POLR1D: variants seen among roughly 807,000 people sequenced by gnomAD.
POLR1D encodes DNA-directed RNA polymerases I and III subunit RPAC2.
POLR1D carries 8 observed loss-of-function variants against 10.8 expected under a neutral mutation model. The observed-to-expected ratio is 0.74, with a 90% confidence interval of 0.43 to 1.33. The LOEUF (loss-of-function observed/expected upper bound fraction) is 1.33, where lower values mean the gene tolerates loss of function less well. Among genes scored for constraint, POLR1D ranks in the 40% most tolerant of loss-of-function variants. The pLI, the probability that POLR1D is intolerant of heterozygous loss-of-function variation, is 0.01. For missense variants in POLR1D, 152 were observed against 161.7 expected (o/e 0.94, Z 0.32); for synonymous variants, 54 against 57.2 (o/e 0.94, Z 0.25).
chr13:27,635,964 A>C (rs980352756), intron 1 of POLR1D, among the ~76,000 whole-genome samples: 2 of 152,054 alleles, frequency 1.3e-5, no homozygotes, highest in African/African-American at 2.4e-5. Context: ...AGAACTGCAT[A>C]ATTTGTCTTC....
rs1475038038 is a variant in POLR1D at position 27,663,292 on chromosome 13, C to G, written c.102-2394C>G. Among the ~76,000 whole-genome samples, 1 of 152,150 alleles carries G rather than the reference C, an allele frequency of 6.6e-6. No individual in the cohort carries two copies. Among genetic ancestry groups the G allele is most frequent in the African/African-American group, 2.4e-5 (1 of 41,426 alleles). On this transcript the variant is annotated intron_variant, in intron 2 of 2. Transcript: ENST00000399697. This position sits in a 1 kb window ranked among gnomAD's most constrained non-coding sequence, Gnocchi z 4.1. ...GTGTACTGGCATGCCTGGGAGATGT[C>G]TGACTTTCAAACCCCACCTCCACCC...
At chr13:27,622,725 T>G in intron 1 of POLR1D, 150 bp from the exon 2 acceptor site, 1 of 624,024 alleles carries the variant, frequency 1.6e-6, no homozygotes, top group Non-Finnish European at 2.9e-6. Context: ...TGATAGAGTT[T>G]GTGGAGGCAG....
intron 1 of POLR1D, among the ~76,000 whole-genome samples, chr13:27,634,559 C>G (rs969257563): frequency 1.3e-5 from 2 of 151,934 alleles, no homozygotes; most frequent in African/African-American, 4.8e-5. Context: ...TAGATAGTGT[C>G]TTTTCCCCTT....
intron 1 of POLR1D, chr13:27,648,318 A>C: frequency 1.8e-6 from 2 of 1,099,296 alleles, no homozygotes; most frequent in Non-Finnish European, 2.8e-6. Flanking sequence ...ACCTGGAATG[A>C]ATTGATTTTC....
At chr13:27,665,014 G>A (rs1956401656) in intron 2 of POLR1D, 2 of 152,540 alleles carry the variant, frequency 1.3e-5, no homozygotes, top group Non-Finnish European at 2.9e-5. Flanking sequence ...AATTTGATTG[G>A]TTGCAGCCTC....
Position 27,621,894 on chromosome 13 carries a change from T to G in POLR1D, c.-90T>G. 3 of 1,414,846 alleles carry G rather than the reference T, an allele frequency of 2.1e-6. No individual in the cohort carries two copies. The highest frequency in any genetic ancestry group is 2.9e-6 in the Non-Finnish European group (3 of 1,021,570). 87.6% of individuals were successfully genotyped at this position (1,414,846 alleles called of 1,614,324 possible). A position where few individuals can be genotyped will look rare whatever the true frequency, so the allele number is the denominator to read the frequency against. On this transcript the variant is annotated 5_prime_UTR_variant, in exon 1 of 2. Transcript: ENST00000302979. ...CTCCGCGCCTTCCGTCGGTCGGTCC[T>G]TGCTTCCTGCTTCGCCTCCGCGCCT...
intron 2 of POLR1D, among the ~76,000 whole-genome samples, chr13:27,653,419 A>T (rs1269840869): frequency 6.6e-6 from 1 of 152,194 alleles, no homozygotes; most frequent in East Asian, 1.9e-4. Flanking sequence ...AAAGGGAGTA[A>T]ATAAAAGATG....
At chr13:27,622,247 C>T (rs1212789187) in intron 1 of POLR1D, 2 of 593,576 alleles carry the variant, frequency 3.4e-6, no homozygotes, top group Non-Finnish European at 6.0e-6. Flanking sequence ...CTGCCCACCC[C>T]CGTTACAACA....
At chr13:27,625,726 T>G (rs530315265), downstream of POLR1D, among the ~76,000 whole-genome samples, 118 of 152,034 alleles carry the variant, frequency 7.8e-4, no homozygotes, top group African/African-American at 2.6e-3. Context: ...ACTTCAGTAT[T>G]TAAAGTTTGG....
At chr13:27,625,842 G>T (rs1389939144), downstream of POLR1D, among the ~76,000 whole-genome samples, 1 of 152,106 alleles carries the variant, frequency 6.6e-6, no homozygotes, top group Admixed American at 6.6e-5. Flanking sequence ...ATAGGGAATA[G>T]AAAAATGTCA....
chr13:27,663,964 G>A lies in POLR1D; in HGVS notation c.102-1722G>A, dbSNP rs1160036144. Among the ~76,000 whole-genome samples, 2 of 152,228 alleles carry A rather than the reference G, an allele frequency of 1.3e-5. No homozygotes were observed. The highest frequency in any genetic ancestry group is 1.5e-5 in the Non-Finnish European group (1 of 68,034). Reference sequence around the variant, plus strand: ...TCTAAGCTTTTTACTCTCTGTGATGGAGGGTAGTTTTTCCTGTAGGCTGTC... The same window carrying A: ...TCTAAGCTTTTTACTCTCTGTGATGAAGGGTAGTTTTTCCTGTAGGCTGTC... On this transcript the variant is annotated intron_variant, in intron 2 of 2. Transcript: ENST00000399697. This position sits in a 1 kb window ranked among gnomAD's most constrained non-coding sequence, Gnocchi z 4.1.
At chr13:27,640,050 T>G (rs1956160549) in intron 1 of POLR1D, among the ~76,000 whole-genome samples, 1 of 152,192 alleles carries the variant, frequency 6.6e-6, no homozygotes, top group Admixed American at 6.5e-5. Flanking sequence ...TATATTCTCC[T>G]TATTTCCTTA....
At position 27,665,882 on chromosome 13, in the gene POLR1D, T is replaced by TCCGCCAGTTACTCC; in HGVS notation, c.305_318dup (p.Arg107ValfsTer46). The TCCGCCAGTTACTCC allele has an allele frequency of 6.2e-7, 1 of 1,614,152 alleles. No individual in the cohort carries two copies. Among genetic ancestry groups the TCCGCCAGTTACTCC allele is most frequent in the Non-Finnish European group, 8.5e-7 (1 of 1,179,998 alleles). On this transcript the variant is annotated frameshift_variant, in exon 3 of 3. Transcript: ENST00000399697. LOFTEE classifies it low-confidence loss of function (END_TRUNC). ...CAAGCACAGCTTCCGCGCTCGAGGTTCCGCCAGTTACTCCCCGCCACGAAA... is the reference window on the plus strand; with the variant it reads ...CAAGCACAGCTTCCGCGCTCGAGGTTCCGCCAGTTACTCCCCGCCAGTTACTCCCCGCCACGAAA...
intron 2 of POLR1D, among the ~76,000 whole-genome samples, chr13:27,659,353 G>A (rs1956336743): frequency 2.0e-5 from 3 of 152,200 alleles, no homozygotes; most frequent in Admixed American, 2.0e-4. Context: ...GAACCAATGA[G>A]GAGGGGAGCA....
At chr13:27,628,309 G>A (rs116634618), downstream of POLR1D, among the ~76,000 whole-genome samples, 266 of 152,284 alleles carry the variant, frequency 1.7e-3, no homozygotes, top group African/African-American at 5.5e-3. Context: ...CATACTATAC[G>A]GAGGCACAGT....
exon 3 of POLR1D, chr13:27,665,988 C>G: frequency 6.2e-7 from 1 of 1,607,502 alleles, no homozygotes. Context: ...CTGCGGGCCT[C>G]CGTGCTCCTT....
Position 27,662,758 on chromosome 13 carries a change from ATAG to A in POLR1D, c.102-2924_102-2922del, listed in dbSNP as rs1334886780. Among the ~76,000 whole-genome samples, 3 of 152,364 alleles carry A rather than the reference ATAG, an allele frequency of 2.0e-5. No individual in the cohort carries two copies. The East Asian group carries it at 5.8e-4, about 29-fold the overall frequency. The stretch of plus-strand genomic sequence containing the variant: ...TGCTTGTGATCACACAGCTAATTAA[ATAG>A]TAGGCTGTGAACCAAAACTGAAATT... On this transcript the variant is annotated intron_variant, in intron 2 of 2. Coordinates refer to the POLR1D transcript ENST00000399697.
chr13:27,622,024 G>A lies in POLR1D; in HGVS notation c.26+15G>A. ...GAGCTGGAGAGGTAACGGCCGAGGA[G>A]GAGGCGGGCGGAGCGGGCCGCGCCC... On this transcript the variant is annotated intron_variant, in intron 1 of 1. Transcript: ENST00000302979. 3.8e-6 allele frequency: 6 copies of A among 1,576,084 alleles called. No homozygotes were observed. Among genetic ancestry groups the A allele is most frequent in the Non-Finnish European group, 5.2e-6 (6 of 1,160,944 alleles).
At chr13:27,654,310 A>G (rs1381467740) in intron 2 of POLR1D, among the ~76,000 whole-genome samples, 1 of 152,164 alleles carries the variant, frequency 6.6e-6, no homozygotes, top group Non-Finnish European at 1.5e-5. Flanking sequence ...ATTTTGTAAC[A>G]TCATCATTGG....
Sources: gnomAD v4.1 joint callset for allele counts (sites outside exome capture counted in the v4.1 genomes callset) on GRCh38, gnomAD v4.1.1 for gene constraint, Gnocchi (gnomAD v3.1) non-coding constraint, MANE v1.5 for transcripts, NCBI Gene and HGNC (gene_info 2026-07-23, HGNC 2026-07-21) for gene names.